EYS: variants seen among roughly 807,000 people sequenced by gnomAD.
EYS encodes the protein EGF-like photoreceptor maintenance factor.
In EYS, 250 loss-of-function variants were observed where a neutral mutation model predicts 282.1. The observed-to-expected ratio is 0.89, with a 90% confidence interval of 0.80 to 0.98. The LOEUF (loss-of-function observed/expected upper bound fraction) is 0.98. EYS is among the 50% of genes least tolerant of loss of function. EYS has a pLI of 0.00. For synonymous variants in EYS, 1,355 were observed against 1,282.9 expected, an observed-to-expected ratio of 1.06 and a Z score of -1.20; for missense variants, 4,016 against 3,709.0, an observed-to-expected ratio of 1.08 and a Z score of -2.15.
chr6:65,415,612 C>T (rs759149041), intron 5 of EYS, among the ~76,000 whole-genome samples: 5 of 152,008 alleles, frequency 3.3e-5, no homozygotes, highest in Admixed American at 6.6e-5. Flanking sequence ...AGGTAAGAGA[C>T]ATCAATATAA....
At chr6:65,136,670 AAT>A (rs913215793) in intron 12 of EYS, among the ~76,000 whole-genome samples, 5 of 152,066 alleles carry the variant, frequency 3.3e-5, no homozygotes, top group African/African-American at 1.2e-4. Context: ...TAGACAAAAA[AAT>A]ATCACAAAAT....
chr6:65,580,177 T>A (rs1018944124), intron 2 of EYS, among the ~76,000 whole-genome samples: 2 of 152,148 alleles, frequency 1.3e-5, no homozygotes. Context: ...ATTAAAATAT[T>A]ATTCAAAATC....
chr6:63,731,019 C>CA (rs1332539385), intron 41 of EYS, among the ~76,000 whole-genome samples: 2 of 151,692 alleles, frequency 1.3e-5, no homozygotes, highest in Non-Finnish European at 1.5e-5. Flanking sequence ...GACTCCACTT[C>CA]AAAAAAAATT....
At chr6:64,141,044 G>A (rs890393334) in intron 31 of EYS, among the ~76,000 whole-genome samples, 6 of 152,054 alleles carry the variant, frequency 3.9e-5, no homozygotes, top group Non-Finnish European at 5.9e-5. Context: ...TTTTAAAGAT[G>A]CATTTCATTG....
chr6:65,574,628 T>C (rs1382365307), intron 2 of EYS, among the ~76,000 whole-genome samples: 1 of 152,132 alleles, frequency 6.6e-6, no homozygotes, highest in South Asian at 2.1e-4. Context: ...GTAATAGTAA[T>C]ATATCTGAAG....
chr6:64,509,766 A>G (rs1335597928), intron 26 of EYS, among the ~76,000 whole-genome samples: 3 of 152,156 alleles, frequency 2.0e-5, no homozygotes, highest in African/African-American at 7.2e-5. Flanking sequence ...AATGGCAACA[A>G]TTATGTGTGT....
intron 12 of EYS, among the ~76,000 whole-genome samples, chr6:65,123,241 C>G (rs1775616755): frequency 6.6e-6 from 1 of 151,976 alleles, no homozygotes; most frequent in Non-Finnish European, 1.5e-5. Flanking sequence ...TATTATTTTT[C>G]TAAAGAGATA....
At chr6:64,198,715 C>G (rs1415835637) in intron 31 of EYS, among the ~76,000 whole-genome samples, 1 of 152,142 alleles carries the variant, frequency 6.6e-6, no homozygotes, top group Non-Finnish European at 1.5e-5. Flanking sequence ...TTTTCTTTAT[C>G]CAGTCTATCA....
At chr6:64,405,637 A>T (rs753302521) in intron 28 of EYS, among the ~76,000 whole-genome samples, 6 of 152,216 alleles carry the variant, frequency 3.9e-5, no homozygotes, top group Non-Finnish European at 8.8e-5. Flanking sequence ...AAATATCAGG[A>T]TACAAAATCA....
chr6:65,484,816 G>A (rs190804817), intron 5 of EYS, among the ~76,000 whole-genome samples: 37 of 152,238 alleles, frequency 2.4e-4, no homozygotes, highest in African/African-American at 8.7e-4. Flanking sequence ...ACAAAACAGT[G>A]GTCAGTAAAC....
At chr6:65,519,397 G>C (rs1379180585) in intron 2 of EYS, among the ~76,000 whole-genome samples, 1 of 150,788 alleles carries the variant, frequency 6.6e-6, no homozygotes, top group African/African-American at 2.4e-5. Flanking sequence ...AACTTTTATC[G>C]TGTATTGATA....
chr6:63,721,913 C>T, intron 42 of EYS, 116 bp from the exon 43 acceptor site: 1 of 895,862 alleles, frequency 1.1e-6, no homozygotes, highest in Admixed American at 2.9e-5. Context: ...AGTAACAGAT[C>T]TTGAGCACAA....
chr6:65,422,696 A>G (rs1312745518), intron 5 of EYS, among the ~76,000 whole-genome samples: 3 of 151,846 alleles, frequency 2.0e-5, no homozygotes, highest in Non-Finnish European at 2.9e-5. Flanking sequence ...TATCCTACAC[A>G]TCTAACAGGA....
At chr6:64,746,977 C>G (rs1317346113) in intron 22 of EYS, among the ~76,000 whole-genome samples, 1 of 152,190 alleles carries the variant, frequency 6.6e-6, no homozygotes, top group Non-Finnish European at 1.5e-5. Context: ...TAAGAGCTTT[C>G]CTGCCTGGAG....
At chr6:64,867,661 G>A (rs1766464624) in intron 19 of EYS, among the ~76,000 whole-genome samples, 1 of 151,584 alleles carries the variant, frequency 6.6e-6, no homozygotes, top group Non-Finnish European at 1.5e-5. Flanking sequence ...TATTATTATA[G>A]TATGTGGTCC....
intron 24 of EYS, among the ~76,000 whole-genome samples, chr6:64,605,172 T>C (rs1172598101): frequency 1.3e-5 from 2 of 151,800 alleles, no homozygotes; most frequent in Non-Finnish European, 2.9e-5. Context: ...ATTTTAAATA[T>C]ATGGGATTTT....
At chr6:64,798,259 A>C (rs1007497631) in intron 22 of EYS, among the ~76,000 whole-genome samples, 5 of 151,874 alleles carry the variant, frequency 3.3e-5, no homozygotes, top group Admixed American at 2.0e-4. Context: ...CAAGATTTTC[A>C]AGGTTCCTTA....
chr6:64,843,288 A>T (rs1463630895), intron 19 of EYS, among the ~76,000 whole-genome samples: 4 of 152,118 alleles, frequency 2.6e-5, no homozygotes, highest in African/African-American at 9.7e-5. Context: ...TAGAGCTGTG[A>T]GAAGAGGGCC....
intron 29 of EYS, among the ~76,000 whole-genome samples, chr6:64,315,866 AC>A (rs1224286426): frequency 2.6e-5 from 4 of 152,102 alleles, no homozygotes; most frequent in Non-Finnish European, 4.4e-5. Context: ...AAGCTTATCT[AC>A]CACGATCAAG....
Sources: allele counts gnomAD v4.1 joint callset (sites outside exome capture counted in the v4.1 genomes callset), GRCh38; gene constraint gnomAD v4.1.1; transcripts MANE v1.5; gene names NCBI Gene and HGNC (gene_info 2026-07-23, HGNC 2026-07-21).